RSPO2: variants seen among roughly 807,000 people sequenced by gnomAD.
RSPO2 encodes the protein R-spondin-2.
In RSPO2, 14 loss-of-function variants were observed where a neutral mutation model predicts 30.9. That is an observed-to-expected ratio of 0.45 (90% CI 0.30 to 0.71). The LOEUF (loss-of-function observed/expected upper bound fraction) is 0.71, where lower values mean the gene tolerates loss of function less well. RSPO2 is among the 30% of genes least tolerant of loss of function. RSPO2 has a pLI of 0.08. For missense variants in RSPO2, 264 were observed against 301.9 expected, an observed-to-expected ratio of 0.87 and a Z score of 0.93; for synonymous variants, 107 against 96.4, an observed-to-expected ratio of 1.11 and a Z score of -0.64.
chr8:108,072,819 C>T (rs888057293), intron 2 of RSPO2, among the ~76,000 whole-genome samples: 7 of 152,060 alleles, frequency 4.6e-5, no homozygotes, highest in Non-Finnish European at 7.4e-5. Context: ...ATGAGAGAAG[C>T]ATCGAAATAA....
intron 5 of RSPO2, among the ~76,000 whole-genome samples, chr8:107,915,614 A>G (rs928547855): frequency 1.7e-4 from 26 of 151,120 alleles, no homozygotes; most frequent in South Asian, 4.2e-4. Context: ...GTGTGTGTGT[A>G]TATGTGGAGT....
At chr8:108,009,492 A>C (rs1221625119) in intron 2 of RSPO2, among the ~76,000 whole-genome samples, 3 of 152,228 alleles carry the variant, frequency 2.0e-5, no homozygotes, top group Admixed American at 2.0e-4. Flanking sequence ...TGGGGGGTAG[A>C]TTATAAAAAC....
intron 2 of RSPO2, among the ~76,000 whole-genome samples, chr8:108,032,522 C>T (rs1218877341): frequency 6.6e-6 from 1 of 152,144 alleles, no homozygotes. Flanking sequence ...CATATTATTT[C>T]CCCTTGTCTA....
At chr8:107,940,545 A>T (rs764641052) in intron 5 of RSPO2, among the ~76,000 whole-genome samples, 8 of 152,218 alleles carry the variant, frequency 5.3e-5, no homozygotes, top group Non-Finnish European at 1.0e-4. Context: ...CTAATTAAAA[A>T]GTCAGATGGT....
intron 5 of RSPO2, among the ~76,000 whole-genome samples, chr8:107,910,570 A>T (rs1267467814): frequency 6.6e-6 from 1 of 152,158 alleles, no homozygotes; most frequent in African/African-American, 2.4e-5. Flanking sequence ...CCAAGCCAAC[A>T]GTTCAGTTAA....
intron 2 of RSPO2, among the ~76,000 whole-genome samples, chr8:108,059,857 TG>T (rs1812391743): frequency 1.9e-5 from 1 of 53,882 alleles, no homozygotes; most frequent in Non-Finnish European, 3.4e-5. Flanking sequence ...TGTTGTGGGG[TG>T]GGGGGAGGGG....
chr8:107,986,315 T>C (rs1038031313), intron 3 of RSPO2, among the ~76,000 whole-genome samples: 42 of 152,334 alleles, frequency 2.8e-4, no homozygotes, highest in African/African-American at 1.0e-3. Flanking sequence ...TTAATAGCAC[T>C]TCCTGCTTGT....
At position 107,999,151 on chromosome 8, in the gene RSPO2, C is replaced by T. The variant is rs184217942; in HGVS notation, c.95-9907G>A. Reference sequence around the variant, plus strand: ...CAAGGTTTACAAAGCTTTAACCTCCCGAGAAGCATTAACTTTGAGAAACTC... The same window carrying T: ...CAAGGTTTACAAAGCTTTAACCTCCTGAGAAGCATTAACTTTGAGAAACTC... On this transcript the variant is annotated intron_variant, in intron 2 of 5. Transcript: ENST00000276659. 6.6e-5 allele frequency among the ~76,000 whole-genome samples: 10 copies of T among 151,812 alleles called. No individual in the cohort carries two copies. In the East Asian group the frequency reaches 1.4e-3, roughly 21 times the overall value.
At chr8:107,921,325 AAGAAG>A (rs1812163728) in intron 5 of RSPO2, among the ~76,000 whole-genome samples, 3 of 151,716 alleles carry the variant, frequency 2.0e-5, no homozygotes, top group South Asian at 4.2e-4. Context: ...TTTAGAAAAA[AAGAAG>A]AGAAGAAAAA....
intron 4 of RSPO2, among the ~76,000 whole-genome samples, chr8:107,960,252 GT>G (rs1054866650): frequency 1.0e-3 from 148 of 146,982 alleles, no homozygotes; most frequent in East Asian, 6.3e-3. Flanking sequence ...TTCTTTTCAA[GT>G]TTTTTTTTTT....
chr8:108,076,052 T>G (rs1450804525), intron 2 of RSPO2, among the ~76,000 whole-genome samples: 1 of 152,210 alleles, frequency 6.6e-6, no homozygotes, highest in Non-Finnish European at 1.5e-5. Flanking sequence ...TATGAGGGAA[T>G]AATTGATTTT....
At chr8:107,920,895 G>A (rs1012327388) in intron 5 of RSPO2, among the ~76,000 whole-genome samples, 6 of 152,188 alleles carry the variant, frequency 3.9e-5, no homozygotes, top group South Asian at 2.1e-4. Context: ...AAGTGTTCAC[G>A]TATACATCTG....
At chr8:108,049,783 TTTC>T (rs1222513059) in intron 2 of RSPO2, among the ~76,000 whole-genome samples, 1 of 152,182 alleles carries the variant, frequency 6.6e-6, no homozygotes. Flanking sequence ...TGTGCCACAT[TTTC>T]TTTATCCAGT....
chr8:108,014,002 A>G (rs903024261), intron 2 of RSPO2, among the ~76,000 whole-genome samples: 1 of 152,208 alleles, frequency 6.6e-6, no homozygotes, highest in African/African-American at 2.4e-5. Flanking sequence ...ATTTACAAGA[A>G]AAAAACAACC....
At chr8:108,019,099 T>G (rs940754626) in intron 2 of RSPO2, among the ~76,000 whole-genome samples, 5 of 152,320 alleles carry the variant, frequency 3.3e-5, no homozygotes, top group African/African-American at 1.2e-4. Context: ...TTTAGTAAAA[T>G]GAATTCTACT....
At position 107,958,235 on chromosome 8, in the gene RSPO2, C is replaced by T. The variant is rs767003645; in HGVS notation, c.461G>A (p.Gly154Glu). The change falls in exon 5 of 6, where the codon GGA (glycine) becomes GAA (glutamate). Residue 154 changes from glycine (G) to glutamate (E), a missense_variant. Transcript: ENST00000276659. ...TGTGCGATTATTTCTGCTACAAGTT[C>T]CCCATTCGCTCCAATGACCAACTTC... ...GCEVGHWSEW[G>E]TCSRNNRTCG... is the part of the protein sequence containing the mutation. 2 of 1,613,580 alleles carry T rather than the reference C, an allele frequency of 1.2e-6. No individual in the cohort carries two copies. The highest frequency in any genetic ancestry group is 1.7e-6 in the Non-Finnish European group (2 of 1,179,798).
intron 2 of RSPO2, among the ~76,000 whole-genome samples, chr8:108,061,886 C>G (rs1460049918): frequency 6.6e-6 from 1 of 151,886 alleles, no homozygotes; most frequent in East Asian, 1.9e-4. Flanking sequence ...GAAACTCACT[C>G]AAAACCGCTC....
intron 2 of RSPO2, among the ~76,000 whole-genome samples, chr8:108,038,048 TATA>T (rs1811650476): frequency 6.6e-6 from 1 of 152,204 alleles, no homozygotes; most frequent in Non-Finnish European, 1.5e-5. Flanking sequence ...ACAGCTGCCA[TATA>T]TAGTGATTCC....
chr8:108,031,046 T>C (rs1270039482), intron 2 of RSPO2, among the ~76,000 whole-genome samples: 1 of 152,232 alleles, frequency 6.6e-6, no homozygotes. Flanking sequence ...AGAAAGTTTC[T>C]CCCATTGATT....
Sources: allele counts gnomAD v4.1 joint callset (sites outside exome capture counted in the v4.1 genomes callset), GRCh38; gene constraint gnomAD v4.1.1; transcripts MANE v1.5; gene names NCBI Gene and HGNC (gene_info 2026-07-23, HGNC 2026-07-21).